Variants in EXOC4 observed in about 807,000 individuals in gnomAD.
EXOC4 encodes the protein SEC8-like 1.
In EXOC4, 71 loss-of-function variants were observed where a neutral mutation model predicts 107.2. The ratio of observed to expected loss-of-function variants is 0.66; its 90% CI spans 0.55 to 0.81. The LOEUF is 0.81. EXOC4 is among the 30% of genes least tolerant of loss of function. The probability of loss-of-function intolerance (pLI) is 0.00; values close to 1 mark genes in which losing one functional copy is unlikely to be tolerated. For missense variants in EXOC4, 1,108 were observed against 1,189.6 expected (o/e 0.93, Z 1.01); for synonymous variants, 456 against 441.2 (o/e 1.03, Z -0.42).
In EXOC4 at chr7:133,689,837, CT is replaced by C. The variant is rs376829391; in HGVS notation, c.1514+59698del. On this transcript the variant is annotated intron_variant, in intron 10 of 17. Coordinates refer to ENST00000253861, the MANE Select transcript of EXOC4 (RefSeq NM_021807.4). ...GAAGACAAAATTACAACAAATTTAG[CT>C]TAAAGATCTTAATTGACCTTTATTT... is the stretch of plus-strand genomic sequence containing the variant. 7.2e-4 allele frequency among the ~76,000 whole-genome samples: 109 copies of C among 152,270 alleles called. 1 individual carries two copies. In the East Asian group the frequency reaches 0.014, roughly 19 times the overall value.
At chr7:134,018,214 G>A (rs867212472) in intron 17 of EXOC4, among the ~76,000 whole-genome samples, 30 of 152,262 alleles carry the variant, frequency 2.0e-4, no homozygotes, top group Non-Finnish European at 3.7e-4. Flanking sequence ...ATCATTTACC[G>A]ACTCTATTAG....
At chr7:133,900,949 A>G (rs1799438371) in intron 12 of EXOC4, among the ~76,000 whole-genome samples, 1 of 152,158 alleles carries the variant, frequency 6.6e-6, no homozygotes, top group Non-Finnish European at 1.5e-5. Flanking sequence ...AGCTCACTGC[A>G]GCCTCCGCCT....
At chr7:133,475,247 T>C (rs2150848862) in intron 7 of EXOC4, 81 bp from the exon 8 acceptor site, 2 of 1,216,250 alleles carry the variant, frequency 1.6e-6, no homozygotes, top group East Asian at 4.8e-5. Context: ...GAATTAGATT[T>C]GCATGGTTTT....
rs904858923 is a variant in EXOC4 at position 133,490,825 on chromosome 7, G to A, written c.1417+10687G>A. On this transcript the variant is annotated intron_variant, in intron 9 of 17. Transcript: ENST00000253861. ...AATGTAATCACATACAGGATTTTCC[G>A]AGTATTGTTCAAGTGTTGTAGCTAT... Among the ~76,000 whole-genome samples the A allele has an allele frequency of 6.6e-5, 10 of 152,268 alleles. No homozygotes were observed. In the East Asian group the frequency reaches 1.5e-3, roughly 24 times the overall value.
intron 10 of EXOC4, among the ~76,000 whole-genome samples, chr7:133,805,399 C>T (rs1360991151): frequency 6.6e-6 from 1 of 152,126 alleles, no homozygotes; most frequent in Non-Finnish European, 1.5e-5. Context: ...TCAAAGTTTG[C>T]TAATGAGTAG....
At chr7:133,743,330 G>A (rs1164926663) in intron 10 of EXOC4, among the ~76,000 whole-genome samples, 6 of 152,186 alleles carry the variant, frequency 3.9e-5, no homozygotes, top group Non-Finnish European at 4.4e-5. Context: ...GTGTTTGACT[G>A]AGGACATGTC....
chr7:133,262,837 T>C (rs557456704), intron 1 of EXOC4, among the ~76,000 whole-genome samples: 1 of 149,340 alleles, frequency 6.7e-6, no homozygotes, highest in South Asian at 2.1e-4. Flanking sequence ...ATATCCTGAA[T>C]ACCCTGATGG....
chr7:133,819,080 T>C (rs1178886383), intron 11 of EXOC4, among the ~76,000 whole-genome samples: 1 of 152,064 alleles, frequency 6.6e-6, no homozygotes, highest in Non-Finnish European at 1.5e-5. Context: ...TCCTGCCAGG[T>C]GACACATCCT....
Position 133,837,566 on chromosome 7 carries a change from T to A in EXOC4, c.1734+20022T>A, listed in dbSNP as rs79180202. Among the ~76,000 whole-genome samples the A allele has an allele frequency of 2.4e-3, 368 of 152,326 alleles. 5 individuals are homozygous for A. Among genetic ancestry groups the A allele is most frequent in the African/African-American group, 8.3e-3 (344 of 41,588 alleles). ...CATTTTCTTCCTGCTAAGTCCTCCA[T>A]GCCCAAAACAGGGTGTCTTTGGAGG... On this transcript the variant is annotated intron_variant, in intron 11 of 17. Coordinates refer to ENST00000253861, the MANE Select transcript of EXOC4 (RefSeq NM_021807.4).
chr7:133,923,605 TTGTC>T (rs1563058629), intron 13 of EXOC4, among the ~76,000 whole-genome samples: 1 of 152,246 alleles, frequency 6.6e-6, no homozygotes, highest in East Asian at 1.9e-4. Context: ...TTTAATTAGC[TTGTC>T]TGTCTGTAGC....
At chr7:133,737,499 G>C (rs1038121907) in intron 10 of EXOC4, among the ~76,000 whole-genome samples, 5 of 149,648 alleles carry the variant, frequency 3.3e-5, no homozygotes, top group Admixed American at 2.7e-4. Flanking sequence ...TTTTTGCCTT[G>C]TTCTAGGCTA....
At chr7:133,259,745 A>ACC (rs1795101139) in intron 1 of EXOC4, among the ~76,000 whole-genome samples, 1 of 151,882 alleles carries the variant, frequency 6.6e-6, no homozygotes, top group Non-Finnish European at 1.5e-5. Context: ...CTAATCCCAG[A>ACC]CCCCTCCCTT....
At chr7:133,322,806 G>C (rs1453192065) in intron 5 of EXOC4, among the ~76,000 whole-genome samples, 1 of 152,110 alleles carries the variant, frequency 6.6e-6, no homozygotes, top group Non-Finnish European at 1.5e-5. Flanking sequence ...AAATTACTTT[G>C]GGCAGTATGG....
chr7:133,829,187 A>G (rs563424382), intron 11 of EXOC4, among the ~76,000 whole-genome samples: 3 of 152,320 alleles, frequency 2.0e-5, no homozygotes, highest in African/African-American at 7.2e-5. Flanking sequence ...AGTCTAAATG[A>G]GTGAAGGAAT....
intron 9 of EXOC4, among the ~76,000 whole-genome samples, chr7:133,548,355 A>G (rs1044274506): frequency 2.0e-5 from 3 of 152,166 alleles, no homozygotes; most frequent in Non-Finnish European, 4.4e-5. Context: ...AGAATGGTAA[A>G]TGAGCATTAG....
At chr7:133,306,134 A>G (rs1396498702) in intron 4 of EXOC4, 73 bp downstream of exon 4, 3 of 1,282,004 alleles carry the variant, frequency 2.3e-6, no homozygotes, top group South Asian at 1.6e-5. Flanking sequence ...GTTTCCCAGA[A>G]TGTTGTTGTA....
chr7:133,836,955 G>T (rs1797930626), intron 11 of EXOC4, among the ~76,000 whole-genome samples: 1 of 152,116 alleles, frequency 6.6e-6, no homozygotes, highest in Non-Finnish European at 1.5e-5. Flanking sequence ...GCATCTGCAG[G>T]TTGTAAAATG....
At chr7:133,510,450 C>A (rs193006557) in intron 9 of EXOC4, among the ~76,000 whole-genome samples, 1 of 152,244 alleles carries the variant, frequency 6.6e-6, no homozygotes, top group Non-Finnish European at 1.5e-5. Flanking sequence ...CCTTAACACA[C>A]CTGGCTTTGA....
At chr7:133,376,548 C>T (rs1355790537) in intron 7 of EXOC4, among the ~76,000 whole-genome samples, 4 of 152,188 alleles carry the variant, frequency 2.6e-5, no homozygotes, top group South Asian at 4.1e-4. Flanking sequence ...ACTAGGTGAG[C>T]TTTACCTTCA....
Sources: allele counts gnomAD v4.1 joint callset (sites outside exome capture counted in the v4.1 genomes callset), GRCh38; gene constraint gnomAD v4.1.1; transcripts MANE v1.5; gene names NCBI Gene and HGNC (gene_info 2026-07-23, HGNC 2026-07-21).